The following NPEPPS variants were observed in gnomAD, a reference collection of about 807,000 sequenced individuals.
NPEPPS encodes the protein aminopeptidase puromycin sensitive.
A neutral mutation model predicts 115.5 loss-of-function variants in NPEPPS; 14 were observed. That is an observed-to-expected ratio of 0.12 (90% CI 0.08 to 0.19). The LOEUF is 0.19. Among genes scored for constraint, NPEPPS ranks in the 10% least tolerant of loss-of-function variants. NPEPPS has a pLI of 1.00. For synonymous variants in NPEPPS, 285 were observed against 390.6 expected (o/e 0.73, Z 3.19); for missense variants, 523 against 1,110.8 (o/e 0.47, Z 7.52).
At chr17:47,611,940 A>G (rs1913898893) in intron 17 of NPEPPS, among the ~76,000 whole-genome samples, 1 of 152,182 alleles carries the variant, frequency 6.6e-6, no homozygotes, top group African/African-American at 2.4e-5. Context: ...ATGAATTGGT[A>G]TCTCATTGTG....
At chr17:47,587,644 T>A (rs1912271405) in intron 9 of NPEPPS, among the ~76,000 whole-genome samples, 1 of 152,120 alleles carries the variant, frequency 6.6e-6, no homozygotes, top group Non-Finnish European at 1.5e-5. Context: ...TAGGTGTAGA[T>A]GAATGAATCA....
At chr17:47,537,680 G>A (rs1303789179) in intron 1 of NPEPPS, among the ~76,000 whole-genome samples, 1 of 150,750 alleles carries the variant, frequency 6.6e-6, no homozygotes, top group Non-Finnish European at 1.5e-5. Flanking sequence ...CAGCCGGGGT[G>A]ACACAGCGAG....
intron 3 of NPEPPS, among the ~76,000 whole-genome samples, chr17:47,572,541 C>A (rs543931106): frequency 6.6e-6 from 1 of 151,368 alleles, no homozygotes; most frequent in South Asian, 2.1e-4. Context: ...GAAAGCATTG[C>A]GTTCATTAAA....
At chr17:47,613,274 T>TTC in intron 18 of NPEPPS, among the ~76,000 whole-genome samples, 1 of 142,422 alleles carries the variant, frequency 7.0e-6, no homozygotes, top group East Asian at 2.0e-4. Flanking sequence ...TTTTTTTTTT[T>TTC]TTTTTTTCTG....
intron 2 of NPEPPS, chr17:47,559,600 A>G: frequency 4.4e-6 from 2 of 454,690 alleles, no homozygotes; most frequent in South Asian, 1.6e-5. Flanking sequence ...CTTAAGGTTC[A>G]TCTTTTTCCA....
chr17:47,552,705 C>T (rs1293769426), intron 2 of NPEPPS, among the ~76,000 whole-genome samples: 1 of 152,138 alleles, frequency 6.6e-6, no homozygotes, highest in African/African-American at 2.4e-5. Context: ...TGGCTTATTG[C>T]TGACTATAGA....
chr17:47,549,979 G>C (rs906146587), intron 2 of NPEPPS, among the ~76,000 whole-genome samples: 5 of 148,884 alleles, frequency 3.4e-5, no homozygotes, highest in Admixed American at 1.3e-4. Context: ...CTGTCACCCA[G>C]GCTGGAGTGC....
At chr17:47,525,583 G>C (rs2612004) in intron 1 of NPEPPS, among the ~76,000 whole-genome samples, 1 of 152,092 alleles carries the variant, frequency 6.6e-6, no homozygotes, top group South Asian at 2.1e-4. Flanking sequence ...CCTCAGGTGA[G>C]CCGCCCACCT....
At chr17:47,556,595 GTA>G (rs1910051507) in intron 2 of NPEPPS, among the ~76,000 whole-genome samples, 1 of 152,178 alleles carries the variant, frequency 6.6e-6, no homozygotes, top group Admixed American at 6.5e-5. Context: ...GAGCTGTTGG[GTA>G]CACCTCCCAG....
intron 1 of NPEPPS, among the ~76,000 whole-genome samples, chr17:47,526,004 A>T (rs895540312): frequency 5.9e-5 from 9 of 152,134 alleles, no homozygotes; most frequent in African/African-American, 2.2e-4. Flanking sequence ...TGAGGTCGGG[A>T]GTTTGAGATC....
intron 2 of NPEPPS, among the ~76,000 whole-genome samples, chr17:47,563,333 G>C (rs973897223): frequency 4.0e-5 from 6 of 151,630 alleles, no homozygotes; most frequent in African/African-American, 1.5e-4. Context: ...TGCCCAGCCT[G>C]GTCATGGTTT....
chr17:47,609,987 GTT>G (rs1313438254), intron 17 of NPEPPS, among the ~76,000 whole-genome samples: 1 of 151,720 alleles, frequency 6.6e-6, no homozygotes, highest in African/African-American at 2.4e-5. Flanking sequence ...GCCATTAACT[GTT>G]TTTTTAATCA....
upstream of NPEPPS, among the ~76,000 whole-genome samples, chr17:47,526,892 A>G (rs1567828472): frequency 6.6e-6 from 1 of 152,168 alleles, no homozygotes; most frequent in African/African-American, 2.4e-5. Context: ...TGGGAGGCGG[A>G]GCTTGCAGTG....
At chr17:47,528,174 C>A (rs912097280), upstream of NPEPPS, among the ~76,000 whole-genome samples, 1 of 151,424 alleles carries the variant, frequency 6.6e-6, no homozygotes, top group African/African-American at 2.4e-5. Flanking sequence ...TGGTGGTGGG[C>A]GCCTGTAATC....
chr17:47,538,325 C>T (rs1908479780), intron 1 of NPEPPS, among the ~76,000 whole-genome samples: 1 of 144,692 alleles, frequency 6.9e-6, no homozygotes, highest in African/African-American at 2.5e-5. Flanking sequence ...AGGGATTCTT[C>T]TGCCTCAGCC....
chr17:47,543,630 A>G (rs1908953055), intron 1 of NPEPPS, among the ~76,000 whole-genome samples: 1 of 151,752 alleles, frequency 6.6e-6, no homozygotes, highest in Non-Finnish European at 1.5e-5. Context: ...CCTGGCCAGG[A>G]CTATCATTTA....
intron 13 of NPEPPS, among the ~76,000 whole-genome samples, chr17:47,598,125 C>T (rs1912986023): frequency 6.6e-6 from 1 of 152,100 alleles, no homozygotes; most frequent in South Asian, 2.1e-4. Context: ...AGAATATTAA[C>T]ATACAAAAAT....
At chr17:47,607,534 A>C (rs374718865) in intron 17 of NPEPPS, among the ~76,000 whole-genome samples, 128 of 152,336 alleles carry the variant, frequency 8.4e-4, no homozygotes, top group African/African-American at 3.0e-3. Flanking sequence ...GTGATATGAC[A>C]TGCTAATTAG....
At chr17:47,530,468 T>C (rs1907659277), upstream of NPEPPS, among the ~76,000 whole-genome samples, 1 of 147,916 alleles carries the variant, frequency 6.8e-6, no homozygotes, top group African/African-American at 2.5e-5. Context: ...GCCATTCTCC[T>C]GCCTCAGCCT....
Sources: allele counts gnomAD v4.1 joint callset (sites outside exome capture counted in the v4.1 genomes callset), GRCh38; gene constraint gnomAD v4.1.1; transcripts MANE v1.5; gene names NCBI Gene and HGNC (gene_info 2026-07-23, HGNC 2026-07-21).